ANO10: variants seen among roughly 807,000 people sequenced by gnomAD.
The protein encoded by ANO10 is anoctamin 10, also known as anoctamin-10.
In ANO10, 77 loss-of-function variants were observed where a neutral mutation model predicts 74.7. The observed-to-expected ratio is 1.03, with a 90% CI of 0.86 to 1.25. The LOEUF (loss-of-function observed/expected upper bound fraction) is 1.25, where lower values mean the gene tolerates loss of function less well. Ranked by LOEUF, ANO10 falls within the 50% of genes most tolerant of loss-of-function variation. The pLI, the probability that ANO10 is intolerant of heterozygous loss-of-function variation, is 0.00. For missense variants in ANO10, 721 were observed against 778.1 expected (o/e 0.93, Z 0.87); for synonymous variants, 279 against 284.9 (o/e 0.98, Z 0.21).
intron 12 of ANO10, among the ~76,000 whole-genome samples, chr3:43,431,462 T>C (rs1391049326): frequency 6.6e-6 from 1 of 151,960 alleles, no homozygotes; most frequent in African/African-American, 2.4e-5. Flanking sequence ...TTAGTACCTC[T>C]AGAAGAATGC....
intron 1 of ANO10, chr3:43,691,164 G>T: frequency 2.1e-5 from 21 of 978,884 alleles, no homozygotes; most frequent in South Asian, 2.8e-5. Context: ...CGGCTTCCTC[G>T]ACCCTCCCCG....
intron 7 of ANO10, among the ~76,000 whole-genome samples, chr3:43,574,040 C>T (rs750468971): frequency 4.0e-5 from 6 of 151,878 alleles, no homozygotes; most frequent in Non-Finnish European, 5.9e-5. Flanking sequence ...CTGCAACCCC[C>T]GCCTCCTGGG....
At chr3:43,422,809 CACTT>C (rs2092839029) in intron 12 of ANO10, among the ~76,000 whole-genome samples, 1 of 152,162 alleles carries the variant, frequency 6.6e-6, no homozygotes, top group Non-Finnish European at 1.5e-5. Context: ...GATAAGTAGT[CACTT>C]ACATACATTG....
intron 1 of ANO10, among the ~76,000 whole-genome samples, chr3:43,645,404 G>A (rs6793449): frequency 0.022 from 3,259 of 151,456 alleles, 115 homozygotes; most frequent in African/African-American, 0.073. Flanking sequence ...CAGGAGACTC[G>A]CTTGAACTCA....
chr3:43,377,146 G>C (rs2091831519), intron 12 of ANO10, among the ~76,000 whole-genome samples: 1 of 152,134 alleles, frequency 6.6e-6, no homozygotes, highest in South Asian at 2.1e-4. Flanking sequence ...GAGTGCAGTG[G>C]CACAATCACA....
intron 4 of ANO10, among the ~76,000 whole-genome samples, chr3:43,591,221 C>G (rs1309288301): frequency 6.6e-6 from 1 of 152,164 alleles, no homozygotes; most frequent in Non-Finnish European, 1.5e-5. Context: ...AGTTGCAGAC[C>G]CACCATTGAC....
At chr3:43,612,865 T>C (rs568868532) in intron 1 of ANO10, among the ~76,000 whole-genome samples, 3 of 152,218 alleles carry the variant, frequency 2.0e-5, no homozygotes, top group African/African-American at 7.2e-5. Context: ...TAAGTGAATG[T>C]TGGATTAAAA....
rs149142429 is a variant in ANO10, at chr3:43,572,040, G to C, written c.1218+2769C>G. ...GAAGACGAGATGGTTTAGGACCCCAGAGCTGAAGGAACAGCACAGCACGTG... is the reference window on the plus strand; with the variant it reads ...GAAGACGAGATGGTTTAGGACCCCACAGCTGAAGGAACAGCACAGCACGTG... On this transcript the variant is annotated intron_variant, in intron 7 of 12. Transcript: ENST00000292246. Among the ~76,000 whole-genome samples the C allele has an allele frequency of 5.3e-3, 801 of 152,202 alleles. 12 individuals carry two copies. The highest frequency in any genetic ancestry group is 0.013 in the Admixed American group (205 of 15,290).
chr3:43,633,058 C>T (rs560097575), intron 1 of ANO10, among the ~76,000 whole-genome samples: 11 of 152,218 alleles, frequency 7.2e-5, no homozygotes, highest in Admixed American at 3.9e-4. Flanking sequence ...AGAAAAAGAA[C>T]TTTACATTTT....
At chr3:43,509,474 T>C (rs1251365475) in intron 11 of ANO10, among the ~76,000 whole-genome samples, 1 of 151,882 alleles carries the variant, frequency 6.6e-6, no homozygotes, top group Non-Finnish European at 1.5e-5. Flanking sequence ...ATCAGGAAAA[T>C]ACAAATTAAA....
At chr3:43,422,156 G>C (rs976165011) in intron 12 of ANO10, among the ~76,000 whole-genome samples, 1 of 152,004 alleles carries the variant, frequency 6.6e-6, no homozygotes, top group African/African-American at 2.4e-5. Flanking sequence ...TCGCTCTGTC[G>C]CCCAGGCTGG....
chr3:43,668,648 T>C (rs1018433193), intron 1 of ANO10, among the ~76,000 whole-genome samples: 3 of 152,234 alleles, frequency 2.0e-5, no homozygotes, highest in East Asian at 3.9e-4. Flanking sequence ...TGCATGTGGC[T>C]TGCCAATTTT....
chr3:43,424,503 T>C (rs2092868684), intron 12 of ANO10: 1 of 152,150 alleles, frequency 6.6e-6, no homozygotes, highest in Non-Finnish European at 1.5e-5. Flanking sequence ...CTAAGATCGG[T>C]CTTTTAAAAT....
intron 10 of ANO10, among the ~76,000 whole-genome samples, chr3:43,553,103 T>C (rs1020234509): frequency 2.6e-5 from 4 of 152,244 alleles, no homozygotes; most frequent in African/African-American, 9.6e-5. Flanking sequence ...CAGGATTCTA[T>C]ATTGACAATA....
chr3:43,378,201 C>T (rs887728601), intron 12 of ANO10, among the ~76,000 whole-genome samples: 2 of 152,186 alleles, frequency 1.3e-5, no homozygotes, highest in African/African-American at 4.8e-5. Context: ...CTGCCAGTGG[C>T]CACAAGGAAA....
chr3:43,459,251 C>A (rs1203257131), intron 11 of ANO10, among the ~76,000 whole-genome samples: 1 of 152,096 alleles, frequency 6.6e-6, no homozygotes, highest in Non-Finnish European at 1.5e-5. Context: ...TCGGTAGCCA[C>A]AACTTGCTCC....
At chr3:43,550,816 T>A (rs1233046950) in intron 10 of ANO10, among the ~76,000 whole-genome samples, 1 of 152,192 alleles carries the variant, frequency 6.6e-6, no homozygotes, top group Non-Finnish European at 1.5e-5. Context: ...GTGAAGAGTG[T>A]CTTTTTCCCT....
intron 4 of ANO10, among the ~76,000 whole-genome samples, chr3:43,595,009 C>G (rs1395736142): frequency 6.6e-6 from 1 of 152,166 alleles, no homozygotes; most frequent in Non-Finnish European, 1.5e-5. Context: ...ACTAGAAAAT[C>G]TAGAAGAAAT....
intron 4 of ANO10, among the ~76,000 whole-genome samples, chr3:43,583,644 G>A (rs188534436): frequency 2.6e-5 from 4 of 152,310 alleles, no homozygotes; most frequent in African/African-American, 9.6e-5. Context: ...AGAGGAGCAG[G>A]TCATGCTACC....
Sources: gnomAD v4.1 joint callset for allele counts (sites outside exome capture counted in the v4.1 genomes callset) on GRCh38, gnomAD v4.1.1 for gene constraint, MANE v1.5 for transcripts, NCBI Gene and HGNC (gene_info 2026-07-23, HGNC 2026-07-21) for gene names.